The following HK1 variants were observed in gnomAD, a reference collection of about 807,000 sequenced individuals.
The protein encoded by HK1 is hexokinase 1, also known as hexokinase-1.
A neutral mutation model predicts 91.6 loss-of-function variants in HK1; 28 were observed. The ratio of observed to expected loss-of-function variants is 0.31; its 90% confidence interval spans 0.23 to 0.42. HK1 has a LOEUF of 0.42. HK1 is among the 10% of genes least tolerant of loss of function. The probability of loss-of-function intolerance (pLI) is 1.00; values close to 1 mark genes in which losing one functional copy is unlikely to be tolerated. For missense variants in HK1, 770 were observed against 1,219.8 expected (o/e 0.63, Z 5.49); for synonymous variants, 430 against 468.1 (o/e 0.92, Z 1.05).
chr10:69,391,411 G>A (rs958298397), intron 14 of HK1, among the ~76,000 whole-genome samples: 12 of 152,246 alleles, frequency 7.9e-5, no homozygotes, highest in Non-Finnish European at 1.3e-4. Flanking sequence ...TGAGGCTGAG[G>A]CGAGAGGGTA....
chr10:69,288,552 T>C lies in HK1; in HGVS notation c.-214-119T>C, dbSNP rs1243586576. The C allele has an allele frequency of 1.0e-5, 7 of 679,732 alleles. No homozygotes were observed. The East Asian group carries it at 1.3e-4, about 13-fold the overall frequency. The allele number at this position is 679,732 out of a possible 1,614,324, so 42.1% of individuals were successfully genotyped here. On this transcript the variant is annotated intron_variant, in intron 2 of 21. Coordinates refer to the HK1 transcript ENST00000360289. ...CCTGGGTTTACGAATACTCTAGAAA[T>C]GTGTCTGCACTATGTCTTGGTTCTC...
chr10:69,342,955 G>C (rs746120859), intron 1 of HK1, among the ~76,000 whole-genome samples: 41 of 152,190 alleles, frequency 2.7e-4, no homozygotes, highest in Admixed American at 2.3e-3. Context: ...AAGGTTAGGA[G>C]CCTGGGCAGC....
chr10:69,270,123 C>A (rs183159594), intron 1 of HK1: 1 of 152,208 alleles, frequency 6.6e-6, no homozygotes, highest in African/African-American at 2.4e-5. Flanking sequence ...ATTGTCCTCA[C>A]GAGAACTCCA....
intron 4 of HK1, among the ~76,000 whole-genome samples, chr10:69,365,882 A>G (rs1298867565): frequency 6.6e-6 from 1 of 152,116 alleles, no homozygotes; most frequent in Non-Finnish European, 1.5e-5. Flanking sequence ...CCCAGGCTGG[A>G]GTGCAATGGC....
intron 1 of HK1, among the ~76,000 whole-genome samples, chr10:69,341,612 G>A (rs1222503356): frequency 1.3e-5 from 2 of 151,992 alleles, no homozygotes; most frequent in Admixed American, 6.6e-5. Context: ...CTACAGGTGT[G>A]CATCACCATG....
intron 7 of HK1, among the ~76,000 whole-genome samples, chr10:69,370,149 A>C (rs139928151): frequency 6.6e-6 from 1 of 152,330 alleles, no homozygotes; most frequent in Non-Finnish European, 1.5e-5. Flanking sequence ...GTTTAATTAC[A>C]CTATGATTGT....
chr10:69,390,526 C>T (rs1350667324), intron 14 of HK1, among the ~76,000 whole-genome samples: 1 of 152,250 alleles, frequency 6.6e-6, no homozygotes, highest in African/African-American at 2.4e-5. Context: ...CTCCTCTTCT[C>T]TCAGTTTTAA....
At chr10:69,389,324 T>A (rs1447082962) in intron 14 of HK1, 28 bp downstream of exon 14, 2 of 1,538,220 alleles carry the variant, frequency 1.3e-6, no homozygotes, top group Non-Finnish European at 1.8e-6. Flanking sequence ...TCTCTTTCCC[T>A]GCAGAAGGGA....
chr10:69,340,647 C>T (rs990246003), intron 1 of HK1, among the ~76,000 whole-genome samples: 1 of 152,172 alleles, frequency 6.6e-6, no homozygotes, highest in African/African-American at 2.4e-5. Flanking sequence ...CCTGCCTCGG[C>T]CTCCCAAAGT....
chr10:69,388,310 G>A (rs1258640756), intron 13 of HK1, among the ~76,000 whole-genome samples: 2 of 152,158 alleles, frequency 1.3e-5, no homozygotes, highest in African/African-American at 4.8e-5. Context: ...AGCCGTCATA[G>A]TGGTGCACAA....
In HK1 at chr10:69,392,254, G is replaced by A. The variant is rs1172702857; in HGVS notation, c.2165G>A (p.Arg722Lys). 1.2e-6 allele frequency: 2 copies of A among 1,614,070 alleles called. No individual in the cohort carries two copies. The highest frequency in any genetic ancestry group is 1.3e-5 in the African/African-American group (1 of 74,914). The stretch of plus-strand genomic sequence containing the variant: ...GACAACGGGTGTCTGGATGATATCA[G>A]GACACACTACGACAGACTGGTGGAC... ...FGDNGCLDDI[R>K]THYDRLVDEY... Residue 722 changes from arginine to lysine, a missense_variant, in exon 15 of 18, where the codon AGG (arginine) becomes AAG (lysine). By Grantham distance (26) the Arg-to-Lys change is conservative. Around this residue, in one of 7 missense-constraint regions of HK1, gnomAD observed 152 missense variants for 211.1 expected, o/e 0.72. Coordinates refer to ENST00000359426, the MANE Select transcript of HK1 (RefSeq NM_000188.3).
chr10:69,376,655 C>A (rs61870960), intron 7 of HK1, among the ~76,000 whole-genome samples: 1 of 152,140 alleles, frequency 6.6e-6, no homozygotes. Context: ...AAACGCTCCC[C>A]CTGCCTTCAG....
rs531762393 is a variant in HK1, at chr10:69,341,168, CTT to C, written c.64-2650_64-2649del. 9.3e-4 allele frequency among the ~76,000 whole-genome samples: 137 copies of C among 147,994 alleles called. 1 individual carries two copies. The highest frequency in any genetic ancestry group is 3.2e-3 in the African/African-American group (131 of 40,470). Reference sequence around the variant, plus strand: ...AATATATATACATATTTCTTTCTTTCTTTTTTTTTTGGAGACTGGATCTAAGT... The same window carrying C: ...AATATATATACATATTTCTTTCTTTCTTTTTTTTGGAGACTGGATCTAAGT... On this transcript the variant is annotated intron_variant, in intron 1 of 17. Transcript: ENST00000359426.
At chr10:69,362,563 C>T (rs570579131) in intron 3 of HK1, among the ~76,000 whole-genome samples, 1 of 151,958 alleles carries the variant, frequency 6.6e-6, no homozygotes, top group Admixed American at 6.6e-5. Flanking sequence ...GCAGGCTTGT[C>T]ACCCTGGATC....
chr10:69,281,708 A>G (rs558385192), intron 1 of HK1, among the ~76,000 whole-genome samples: 4 of 152,364 alleles, frequency 2.6e-5, no homozygotes, highest in African/African-American at 7.2e-5. Flanking sequence ...ATAGTAGGAA[A>G]AAAGGAAGGG....
At chr10:69,275,135 A>G (rs1018846156) in intron 1 of HK1, among the ~76,000 whole-genome samples, 2 of 151,728 alleles carry the variant, frequency 1.3e-5, no homozygotes, top group Non-Finnish European at 2.9e-5. Context: ...CTTACATCCT[A>G]TATCCTAACC....
At chr10:69,317,872 A>C (rs1168956167), upstream of HK1, among the ~76,000 whole-genome samples, 1 of 152,216 alleles carries the variant, frequency 6.6e-6, no homozygotes, top group African/African-American at 2.4e-5. Context: ...ACACAGAAAT[A>C]ATTAATCTAA....
chr10:69,369,347 C>A lies in HK1; in HGVS notation c.691+11C>A. 6.2e-7 allele frequency: 1 copy of A among 1,613,190 alleles called. No homozygotes were observed. The highest frequency in any genetic ancestry group is 8.5e-7 in the Non-Finnish European group (1 of 1,179,092). ...TCGGCCTGATCATCGGTAATGCATT[C>A]CCCTTTGCCCATCCATTTGTTCGGC... On this transcript the variant is annotated intron_variant, in intron 6 of 17. Coordinates refer to ENST00000359426, the MANE Select transcript of HK1 (RefSeq NM_000188.3). This position sits in a 1 kb window ranked among gnomAD's most constrained non-coding sequence, Gnocchi z 4.4.
chr10:69,346,620 C>T (rs1041046102), intron 2 of HK1, among the ~76,000 whole-genome samples: 7 of 152,102 alleles, frequency 4.6e-5, no homozygotes, highest in African/African-American at 1.7e-4. Flanking sequence ...GATCCTCCCA[C>T]CTCCCAAAGT....
Sources: gnomAD v4.1 joint callset for allele counts (sites outside exome capture counted in the v4.1 genomes callset) on GRCh38, gnomAD v4.1.1 for gene constraint, gnomAD v4.1.1 regional missense constraint, Gnocchi (gnomAD v3.1) non-coding constraint, MANE v1.5 for transcripts, NCBI Gene and HGNC (gene_info 2026-07-23, HGNC 2026-07-21) for gene names.